The following GMDS variants were observed in gnomAD, a reference collection of about 807,000 sequenced individuals.
GMDS encodes GDP-mannose 4,6 dehydratase.
GMDS carries 20 observed loss-of-function variants against 49.9 expected under a neutral mutation model. That is an observed-to-expected ratio of 0.40 (90% CI 0.28 to 0.58). The LOEUF is 0.58. GMDS is among the 20% of genes least tolerant of loss of function. The pLI is 0.42. For synonymous variants in GMDS, 177 were observed against 178.6 expected (o/e 0.99, Z 0.07); for missense variants, 362 against 481.4 (o/e 0.75, Z 2.32).
intron 4 of GMDS, among the ~76,000 whole-genome samples, chr6:2,022,253 T>C (rs1319919): frequency 0.012 from 1,710 of 144,562 alleles, 37 homozygotes; most frequent in African/African-American, 0.04. Flanking sequence ...AAAGCAAATA[T>C]ATCAGCCAGG....
chr6:2,144,605 T>C (rs1195529684), intron 1 of GMDS, among the ~76,000 whole-genome samples: 1 of 152,184 alleles, frequency 6.6e-6, no homozygotes, highest in African/African-American at 2.4e-5. Flanking sequence ...GGTCTGGGTA[T>C]GGACTAGTTG....
At chr6:1,995,388 G>A (rs1333017391) in intron 4 of GMDS, among the ~76,000 whole-genome samples, 1 of 152,136 alleles carries the variant, frequency 6.6e-6, no homozygotes, top group Non-Finnish European at 1.5e-5. Flanking sequence ...CTACCAAAAA[G>A]AGTAAGGAAG....
intron 1 of GMDS, among the ~76,000 whole-genome samples, chr6:2,149,500 C>T (rs933179319): frequency 2.6e-5 from 4 of 152,106 alleles, no homozygotes; most frequent in Non-Finnish European, 5.9e-5. Flanking sequence ...ATGGCTTTTT[C>T]AGCCACCTGA....
chr6:2,166,683 G>A (rs996998370), intron 1 of GMDS, among the ~76,000 whole-genome samples: 3 of 152,198 alleles, frequency 2.0e-5, no homozygotes, highest in Non-Finnish European at 4.4e-5. Flanking sequence ...GAGTTAATAA[G>A]TATCAAGTCA....
intron 1 of GMDS, among the ~76,000 whole-genome samples, chr6:2,211,618 C>A (rs1780065779): frequency 6.6e-6 from 1 of 152,040 alleles, no homozygotes; most frequent in African/African-American, 2.4e-5. Context: ...AGTCTCACTC[C>A]TCTTTGTAGC....
intron 4 of GMDS, among the ~76,000 whole-genome samples, chr6:2,045,056 T>A (rs546267853): frequency 6.6e-6 from 1 of 152,226 alleles, no homozygotes; most frequent in African/African-American, 2.4e-5. Context: ...GTTTTCACAA[T>A]TGTTACTAAT....
intron 1 of GMDS, among the ~76,000 whole-genome samples, chr6:2,244,613 C>T (rs1474940332): frequency 6.6e-6 from 1 of 152,198 alleles, no homozygotes; most frequent in Non-Finnish European, 1.5e-5. Flanking sequence ...ATTCCGAAGA[C>T]CTCCTCTTGA....
chr6:1,857,877 T>C (rs558861247), intron 7 of GMDS, among the ~76,000 whole-genome samples: 24 of 152,290 alleles, frequency 1.6e-4, no homozygotes, highest in African/African-American at 5.8e-4. Context: ...CTAAGGTAGT[T>C]GTCTATAATT....
intron 4 of GMDS, chr6:2,043,246 T>G (rs12201717): frequency 0.38 from 57,916 of 152,170 alleles, 11,392 homozygotes; most frequent in Middle Eastern, 0.47. Context: ...ACATCACTGT[T>G]GAAAAATCCT....
intron 1 of GMDS, among the ~76,000 whole-genome samples, chr6:2,182,663 G>GT (rs1468643193): frequency 1.3e-5 from 2 of 152,136 alleles, no homozygotes; most frequent in Non-Finnish European, 2.9e-5. Flanking sequence ...TTACAAATTG[G>GT]TTTACTGAAT....
intron 2 of GMDS, among the ~76,000 whole-genome samples, chr6:2,123,715 T>C (rs1421094352): frequency 6.6e-6 from 1 of 152,266 alleles, no homozygotes; most frequent in Non-Finnish European, 1.5e-5. Flanking sequence ...TATACATATG[T>C]ACTTTCATAA....
intron 9 of GMDS, among the ~76,000 whole-genome samples, chr6:1,661,979 T>C (rs116510164): frequency 0.017 from 2,608 of 152,192 alleles, 35 homozygotes; most frequent in Non-Finnish European, 0.03. Flanking sequence ...AGGAAGGACC[T>C]GAGAACTAGA....
At chr6:2,034,765 T>C (rs1769188954) in intron 4 of GMDS, among the ~76,000 whole-genome samples, 2 of 152,290 alleles carry the variant, frequency 1.3e-5, no homozygotes, top group South Asian at 4.1e-4. Flanking sequence ...GCCTTTTTTG[T>C]TCTTATATTC....
chr6:1,889,121 C>T (rs1037498965), intron 7 of GMDS, among the ~76,000 whole-genome samples: 14 of 152,140 alleles, frequency 9.2e-5, no homozygotes, highest in African/African-American at 3.4e-4. Flanking sequence ...GGATGCGGAA[C>T]GTGTAAAAAC....
chr6:2,241,013 G>C (rs1781591977), intron 1 of GMDS, among the ~76,000 whole-genome samples: 1 of 152,190 alleles, frequency 6.6e-6, no homozygotes, highest in South Asian at 2.1e-4. Flanking sequence ...ATAAAAGGGA[G>C]CCAGGTGCTA....
chr6:2,173,339 C>A (rs927383542), intron 1 of GMDS, among the ~76,000 whole-genome samples: 7 of 152,260 alleles, frequency 4.6e-5, no homozygotes, highest in African/African-American at 1.7e-4. Flanking sequence ...AAGTACAAAT[C>A]CATAGTTTAA....
intron 7 of GMDS, among the ~76,000 whole-genome samples, chr6:1,764,072 G>C (rs1221381134): frequency 1.3e-5 from 2 of 152,072 alleles, no homozygotes; most frequent in Non-Finnish European, 2.9e-5. Flanking sequence ...CTGAGGCTGG[G>C]GGTTAAGAGT....
chr6:2,002,787 A>G (rs143345232), intron 4 of GMDS, among the ~76,000 whole-genome samples: 2,251 of 152,278 alleles, frequency 0.015, 49 homozygotes, highest in African/African-American at 0.05. Flanking sequence ...CTACTGTTAA[A>G]TCTCTAGTAC....
chr6:1,988,515 TTTGGGC>T (rs1454966664), intron 4 of GMDS, among the ~76,000 whole-genome samples: 1 of 152,104 alleles, frequency 6.6e-6, no homozygotes, highest in Non-Finnish European at 1.5e-5. Context: ...TGTGCTCCAA[TTTGGGC>T]TCCCTATCCA....
Sources: gnomAD v4.1 joint callset for allele counts (sites outside exome capture counted in the v4.1 genomes callset) on GRCh38, gnomAD v4.1.1 for gene constraint, MANE v1.5 for transcripts, NCBI Gene and HGNC (gene_info 2026-07-23, HGNC 2026-07-21) for gene names.